ARHGAP22: variants seen among roughly 807,000 people sequenced by gnomAD.
ARHGAP22 encodes the protein rho GTPase-activating protein 22.
A neutral mutation model predicts 59.1 loss-of-function variants in ARHGAP22; 48 were observed. The observed-to-expected ratio is 0.81, with a 90% confidence interval of 0.64 to 1.03. The LOEUF (loss-of-function observed/expected upper bound fraction) is 1.03. Among genes scored for constraint, ARHGAP22 ranks in the 50% least tolerant of loss-of-function variants. The pLI, the probability that ARHGAP22 is intolerant of heterozygous loss-of-function variation, is 0.00. For missense variants in ARHGAP22, 1,015 were observed against 958.7 expected (o/e 1.06, Z -0.78); for synonymous variants, 445 against 416.4 (o/e 1.07, Z -0.84).
At position 48,623,571 on chromosome 10, in the gene ARHGAP22, G is replaced by A. The variant is rs1183772329; in HGVS notation, c.52+28663C>T. The stretch of plus-strand genomic sequence containing the variant: ...ATCACTTCTCTCCAAATGCAACAAT[G>A]TGGGCTGCAGGACAGGCAGTACATC... On this transcript the variant is annotated intron_variant, in intron 1 of 9. Transcript: ENST00000435790. Among the ~76,000 whole-genome samples the A allele has an allele frequency of 2.0e-5, 3 of 152,198 alleles. No homozygotes were observed. In the South Asian group the frequency reaches 6.2e-4, roughly 32 times the overall value.
chr10:48,446,724 G>T, intron 9 of ARHGAP22, 105 bp from the exon 10 acceptor site: 1 of 1,137,024 alleles, frequency 8.8e-7, no homozygotes, highest in South Asian at 1.6e-5. Flanking sequence ...GTCAGGCCAA[G>T]CCATGGCGGC....
At chr10:48,466,272 C>G (rs1035071049) in intron 4 of ARHGAP22, among the ~76,000 whole-genome samples, 14 of 152,096 alleles carry the variant, frequency 9.2e-5, no homozygotes, top group South Asian at 6.2e-4. Context: ...TCCCTGCGCC[C>G]CCCCCCAGAC....
chr10:48,608,610 C>A (rs1253134298), upstream of ARHGAP22, among the ~76,000 whole-genome samples: 2 of 152,182 alleles, frequency 1.3e-5, no homozygotes, highest in Non-Finnish European at 2.9e-5. Context: ...TTAGTGCACT[C>A]TCTGTTCCTG....
At chr10:48,612,477 G>T (rs1239959034) in intron 1 of ARHGAP22, among the ~76,000 whole-genome samples, 1 of 152,166 alleles carries the variant, frequency 6.6e-6, no homozygotes, top group African/African-American at 2.4e-5. Flanking sequence ...GGACAGAGTC[G>T]ACTTCTCAGC....
At chr10:48,600,555 A>G in intron 1 of ARHGAP22, among the ~76,000 whole-genome samples, 1 of 151,770 alleles carries the variant, frequency 6.6e-6, no homozygotes, top group South Asian at 2.1e-4. Flanking sequence ...AGTATTCAAA[A>G]AAAAAAAAAA....
At chr10:48,524,032 G>T in intron 3 of ARHGAP22, 1 of 1,471,328 alleles carries the variant, frequency 6.8e-7, no homozygotes, top group African/African-American at 1.5e-5. Flanking sequence ...GGAGCGGGGC[G>T]CACGTGCGCG....
chr10:48,524,105 G>A, intron 3 of ARHGAP22: 1 of 1,356,500 alleles, frequency 7.4e-7, no homozygotes, highest in Non-Finnish European at 9.5e-7. Flanking sequence ...ACAGCCCCAT[G>A]GCAGCCGCCC....
chr10:48,618,130 C>A (rs1282634267), intron 1 of ARHGAP22, among the ~76,000 whole-genome samples: 1 of 151,814 alleles, frequency 6.6e-6, no homozygotes, highest in Non-Finnish European at 1.5e-5. Context: ...TGGACATATA[C>A]AACCTACCAA....
intron 1 of ARHGAP22, among the ~76,000 whole-genome samples, chr10:48,583,370 C>T (rs895609266): frequency 7.2e-5 from 11 of 152,236 alleles, no homozygotes; most frequent in Admixed American, 6.5e-4. Context: ...GGGGTACAGC[C>T]TGCCCACCTG....
chr10:48,575,200 C>T (rs12766573), intron 2 of ARHGAP22: 37,622 of 152,034 alleles, frequency 0.25, 5,158 homozygotes, highest in Non-Finnish European at 0.3. Context: ...AGAAGCTGAG[C>T]AGAGGTCAGC....
At chr10:48,640,523 A>C (rs368441590) in intron 1 of ARHGAP22, among the ~76,000 whole-genome samples, 1 of 152,240 alleles carries the variant, frequency 6.6e-6, no homozygotes, top group Non-Finnish European at 1.5e-5. Context: ...TGCAATTAAC[A>C]GTTGCCTTGT....
At chr10:48,541,591 G>A (rs1449256417) in intron 3 of ARHGAP22, among the ~76,000 whole-genome samples, 1 of 152,214 alleles carries the variant, frequency 6.6e-6, no homozygotes, top group Non-Finnish European at 1.5e-5. Context: ...AGCCCCCAAA[G>A]GCAATGGAAG....
At chr10:48,487,859 G>C (rs1189562945) in intron 3 of ARHGAP22, among the ~76,000 whole-genome samples, 1 of 152,152 alleles carries the variant, frequency 6.6e-6, no homozygotes, top group Non-Finnish European at 1.5e-5. Context: ...TTGAGCCCCA[G>C]TTCAAGACCA....
chr10:48,472,215 G>GA (rs1040750943), intron 4 of ARHGAP22, among the ~76,000 whole-genome samples: 5 of 143,712 alleles, frequency 3.5e-5, no homozygotes, highest in East Asian at 4.4e-4. Context: ...CTCAAAAAAA[G>GA]AAAAAAAAGA....
chr10:48,533,845 C>T (rs146110678), intron 3 of ARHGAP22, among the ~76,000 whole-genome samples: 16 of 152,244 alleles, frequency 1.1e-4, no homozygotes, highest in African/African-American at 2.4e-4. Context: ...CCTCTTAAGT[C>T]GGGAAGTACT....
intron 1 of ARHGAP22, among the ~76,000 whole-genome samples, chr10:48,595,242 A>C (rs943690142): frequency 6.6e-6 from 1 of 152,220 alleles, no homozygotes; most frequent in African/African-American, 2.4e-5. Flanking sequence ...GGCTGGGAAA[A>C]GAGCAAAATG....
At position 48,582,743 on chromosome 10, in the gene ARHGAP22, A is replaced by T. The variant is rs536298683; in HGVS notation, c.234+210T>A. On this transcript the variant is annotated intron_variant, in intron 2 of 9. Coordinates refer to ENST00000249601, the MANE Select transcript of ARHGAP22 (RefSeq NM_021226.4). ...ATCAACATTTTAAGGAAACATTTTC[A>T]TTGCAGAAGTTGTGGACATGTTCCA... 2.7e-5 allele frequency: 16 copies of T among 598,392 alleles called. No homozygotes were observed. The Admixed American group carries it at 4.9e-4, about 18-fold the overall frequency. 37.1% of individuals were successfully genotyped at this position (598,392 alleles called of 1,614,324 possible).
In ARHGAP22 at chr10:48,454,097, T is replaced by C; in HGVS notation, c.857A>G (p.Tyr286Cys). Residue 286 changes from tyrosine (Y) to cysteine (C), a missense_variant, in exon 7 of 10, where the codon TAC becomes TGC. Coordinates refer to ENST00000249601, the MANE Select transcript of ARHGAP22 (RefSeq NM_021226.4). ...LPQANYNLLR[Y>C]ICKFLDEVQA... is the part of the protein sequence containing the mutation. ...CTGCCAAGCCGCTTACTTGCAGATG[T>C]ATCTGAGCAGGTTGTAATTTGCCTG... The C allele has an allele frequency of 3.7e-6, 6 of 1,614,032 alleles. No individual in the cohort carries two copies. The highest frequency in any genetic ancestry group is 5.1e-6 in the Non-Finnish European group (6 of 1,179,916).
upstream of ARHGAP22, among the ~76,000 whole-genome samples, chr10:48,655,112 C>CTCTTCTCTTCTCTTTTCTTTTCTTT (rs1554968197): frequency 5.9e-4 from 20 of 33,672 alleles, no homozygotes; most frequent in Middle Eastern, 9.1e-3. Flanking sequence ...CTCTTCTCTT[C>CTCTTCTCTTCTCTTTTCTTTTCTTT]TCTTTCCTCT....
Sources: allele counts gnomAD v4.1 joint callset (sites outside exome capture counted in the v4.1 genomes callset), GRCh38; gene constraint gnomAD v4.1.1; transcripts MANE v1.5; gene names NCBI Gene and HGNC (gene_info 2026-07-23, HGNC 2026-07-21).